CCAR1: variants seen among roughly 807,000 people sequenced by gnomAD.
CCAR1 encodes cell division cycle and apoptosis regulator protein 1.
CCAR1 carries 78 observed loss-of-function variants against 163.8 expected under a neutral mutation model. The observed-to-expected ratio is 0.48, with a 90% CI of 0.40 to 0.57. The LOEUF is 0.57. Ranked by LOEUF, CCAR1 falls within the 20% of genes least tolerant of loss-of-function variation. The pLI is 0.00. For synonymous variants in CCAR1, 443 were observed against 460.7 expected (o/e 0.96, Z 0.49); for missense variants, 1,019 against 1,365.2 (o/e 0.75, Z 4.00).
rs552332027 is a variant in CCAR1 at position 68,722,232 on chromosome 10, A to T, written c.-50-223A>T. Reference sequence around the variant, plus strand: ...AGTGCTTTTTCTGAGTCTCCCTCTAATGTTATCTTGTAAAATAGGGCATTT... The same window carrying T: ...AGTGCTTTTTCTGAGTCTCCCTCTATTGTTATCTTGTAAAATAGGGCATTT... On this transcript the variant is annotated intron_variant, in intron 1 of 24. Transcript: ENST00000265872. Among the ~76,000 whole-genome samples, 4 of 152,234 alleles carry T rather than the reference A, an allele frequency of 2.6e-5. No individual in the cohort carries two copies. In the East Asian group the frequency reaches 7.7e-4, roughly 29 times the overall value.
At chr10:68,725,223 G>A (rs966000541) in intron 2 of CCAR1, among the ~76,000 whole-genome samples, 2 of 152,074 alleles carry the variant, frequency 1.3e-5, no homozygotes, top group African/African-American at 4.8e-5. Context: ...GCAGCACTTT[G>A]GGAGGCGGAG....
At chr10:68,751,177 G>A (rs528432295) in intron 10 of CCAR1, among the ~76,000 whole-genome samples, 4 of 151,740 alleles carry the variant, frequency 2.6e-5, no homozygotes, top group African/African-American at 9.7e-5. Context: ...ACAGGAATGC[G>A]CCACCACACC....
intron 2 of CCAR1, among the ~76,000 whole-genome samples, chr10:68,735,485 C>T (rs1276391323): frequency 6.7e-6 from 1 of 149,542 alleles, no homozygotes; most frequent in Non-Finnish European, 1.5e-5. Flanking sequence ...GTAATCCTCT[C>T]ATCTCAGCAT....
chr10:68,788,611 A>G (rs1257433429), intron 23 of CCAR1, among the ~76,000 whole-genome samples: 2 of 152,086 alleles, frequency 1.3e-5, no homozygotes, highest in Non-Finnish European at 2.9e-5. Context: ...CAGTCTCCCA[A>G]GTAGCTGGGA....
At chr10:68,749,448 C>A in intron 9 of CCAR1, 76 bp from the exon 10 acceptor site, 1 of 1,316,006 alleles carries the variant, frequency 7.6e-7, no homozygotes, top group Non-Finnish European at 1.0e-6. Flanking sequence ...CTTATATTAC[C>A]TACTCTATTT....
chr10:68,737,979 T>C, intron 4 of CCAR1, 90 bp downstream of exon 4: 1 of 857,166 alleles, frequency 1.2e-6, no homozygotes, highest in Non-Finnish European at 1.8e-6. Context: ...TTCTATCAGC[T>C]ACCTTAACAT....
intron 20 of CCAR1, 63 bp downstream of exon 20, chr10:68,786,281 C>T (rs1485699322): frequency 8.4e-7 from 1 of 1,196,398 alleles, no homozygotes; most frequent in Non-Finnish European, 1.2e-6. Flanking sequence ...AAACATAACA[C>T]AGTTGTGAAG....
chr10:68,729,215 G>T (rs984100350), intron 2 of CCAR1, among the ~76,000 whole-genome samples: 1 of 151,534 alleles, frequency 6.6e-6, no homozygotes, highest in Admixed American at 6.6e-5. Context: ...TATATTTAAA[G>T]TATTATTTTG....
intron 2 of CCAR1, among the ~76,000 whole-genome samples, chr10:68,726,929 A>G (rs2055956637): frequency 6.6e-6 from 1 of 151,726 alleles, no homozygotes; most frequent in African/African-American, 2.4e-5. Context: ...CTGGAGGCAG[A>G]GGTTGCAGTG....
At chr10:68,763,744 A>C (rs983150907) in intron 16 of CCAR1, among the ~76,000 whole-genome samples, 1 of 152,244 alleles carries the variant, frequency 6.6e-6, no homozygotes, top group African/African-American at 2.4e-5. Context: ...CACCGTGCTC[A>C]GCCCTCAATG....
chr10:68,762,187 G>A (rs1257074852), intron 16 of CCAR1, among the ~76,000 whole-genome samples: 1 of 151,934 alleles, frequency 6.6e-6, no homozygotes, highest in Non-Finnish European at 1.5e-5. Flanking sequence ...AAATTAGCTG[G>A]GCGTGGTTGC....
chr10:68,737,518 AG>A (rs1241451276), intron 3 of CCAR1, among the ~76,000 whole-genome samples: 1 of 149,828 alleles, frequency 6.7e-6, no homozygotes, highest in Non-Finnish European at 1.5e-5. Context: ...AAAAAAAAAA[AG>A]TAGTTGAATA....
intron 17 of CCAR1, among the ~76,000 whole-genome samples, chr10:68,768,987 C>G (rs576201420): frequency 7.2e-5 from 11 of 152,068 alleles, no homozygotes; most frequent in African/African-American, 2.7e-4. Flanking sequence ...AGTTTTAACC[C>G]TTTTTTTGAG....
chr10:68,781,638 T>C (rs938916695), intron 19 of CCAR1, among the ~76,000 whole-genome samples: 8 of 152,092 alleles, frequency 5.3e-5, no homozygotes, highest in Non-Finnish European at 1.2e-4. Context: ...GTGGGATCAC[T>C]TGAGGCTAGG....
intron 19 of CCAR1, among the ~76,000 whole-genome samples, chr10:68,782,439 A>G (rs760033581): frequency 6.6e-5 from 10 of 152,088 alleles, no homozygotes; most frequent in Non-Finnish European, 1.2e-4. Context: ...AAAAAGGCAC[A>G]TTGAAACAGC....
At chr10:68,763,984 G>A (rs1188030164) in intron 16 of CCAR1, among the ~76,000 whole-genome samples, 3 of 152,132 alleles carry the variant, frequency 2.0e-5, no homozygotes, top group African/African-American at 4.8e-5. Context: ...TCCAAGATAT[G>A]CTCATTGCAA....
In CCAR1 at chr10:68,754,048, C is replaced by T; in HGVS notation, c.1315C>T (p.Pro439Ser). ...AAAAAATATGGCCATTCTTGATCCA[C>T]CAGATGCTGACCACTTATACAGTGC... Reference protein sequence around the residue: ...LEKNMAILDPPDADHLYSAKV... With the variant: ...LEKNMAILDPSDADHLYSAKV... Residue 439 changes from proline to serine, a missense_variant, in exon 11 of 25, where the codon CCA (proline) becomes TCA (serine). Physicochemically the swap from Pro to Ser is moderately conservative, Grantham distance 74. Around this residue, in one of 4 missense-constraint regions of CCAR1, gnomAD observed 644 missense variants for 904.4 expected, o/e 0.71. Transcript: ENST00000265872. 1 of 1,613,448 alleles carries T rather than the reference C, an allele frequency of 6.2e-7. No individual in the cohort carries two copies.
chr10:68,783,170 A>ATATT (rs901517684), intron 19 of CCAR1, among the ~76,000 whole-genome samples: 27 of 151,370 alleles, frequency 1.8e-4, no homozygotes, highest in African/African-American at 6.1e-4. Flanking sequence ...GCCCAGCTAA[A>ATATT]TATTTATTTA....
At chr10:68,758,672 C>T (rs530726532) in intron 15 of CCAR1, among the ~76,000 whole-genome samples, 56 of 10,178 alleles carry the variant, frequency 5.5e-3, no homozygotes, top group African/African-American at 8.6e-3. Flanking sequence ...TGTATATATA[C>T]ACACGTGTAT....
Sources: allele counts gnomAD v4.1 joint callset (sites outside exome capture counted in the v4.1 genomes callset), GRCh38; gene constraint gnomAD v4.1.1; regional missense constraint gnomAD v4.1.1; transcripts MANE v1.5; gene names NCBI Gene and HGNC (gene_info 2026-07-23, HGNC 2026-07-21).